Variants in HLA-DMA observed in about 807,000 individuals in gnomAD.
The protein encoded by HLA-DMA is HLA class II histocompatibility antigen, DM alpha chain.
HLA-DMA carries 20 observed loss-of-function variants against 27.3 expected under a neutral mutation model. The ratio of observed to expected loss-of-function variants is 0.73; its 90% CI spans 0.52 to 1.07. The LOEUF (loss-of-function observed/expected upper bound fraction) is 1.07. Ranked by LOEUF, HLA-DMA falls within the 50% of genes least tolerant of loss-of-function variation. The pLI is 0.00. For synonymous variants in HLA-DMA, 111 were observed against 126.8 expected (o/e 0.88, Z 0.83); for missense variants, 241 against 321.7 (o/e 0.75, Z 1.92).
Position 32,948,667 on chromosome 6 carries a change from TAGGC to T in HLA-DMA, c.*193_*196del. On this transcript the variant is annotated 3_prime_UTR_variant, in exon 5 of 5. Coordinates refer to ENST00000374843, the MANE Select transcript of HLA-DMA (RefSeq NM_006120.4). Reference sequence around the variant, plus strand: ...GTGGGGGGAAGGGATGTGGTTGTGATAGGCAGGCCACTCTGGGATCCCTGGGATG... The same window carrying T: ...GTGGGGGGAAGGGATGTGGTTGTGATAGGCCACTCTGGGATCCCTGGGATG... 1 of 648,780 alleles carries T rather than the reference TAGGC, an allele frequency of 1.5e-6. No homozygotes were observed. Among genetic ancestry groups the T allele is most frequent in the Admixed American group, 2.5e-5 (1 of 40,462 alleles). The allele number at this position is 648,780 out of a possible 1,614,324, so 40.2% of individuals were successfully genotyped here. A position where few individuals can be genotyped will look rare whatever the true frequency, so the allele number is the denominator to read the frequency against.
rs1337929423 is a variant in HLA-DMA, at chr6:32,950,835, G to A, written c.89-32C>T. 1 of 1,594,472 alleles carries A rather than the reference G, an allele frequency of 6.3e-7. No homozygotes were observed. The highest frequency in any genetic ancestry group is 8.6e-7 in the Non-Finnish European group (1 of 1,167,380). ...AGGACACAGGGTGAGGTTCAGGGAG[G>A]TGGGAGCCTTCTCCTCCAACTTAAA... On this transcript the variant is annotated intron_variant, in intron 1 of 4. Transcript: ENST00000374843. This position sits in a 1 kb window ranked among gnomAD's most constrained non-coding sequence, Gnocchi z 5.0.
Position 32,949,142 on chromosome 6 carries a change from G to A in HLA-DMA, c.781+129C>T. On this transcript the variant is annotated intron_variant, in intron 4 of 4. Transcript: ENST00000374843. The surrounding 1 kb of genome is among the most constrained non-coding windows in gnomAD (Gnocchi z 5.8). ...ATGTGCCCCCATGGTGCTGGATACAGGCCCCCACACCCAAGGGCCTGAGGA... is the reference window on the plus strand; with the variant it reads ...ATGTGCCCCCATGGTGCTGGATACAAGCCCCCACACCCAAGGGCCTGAGGA... 4 of 1,268,478 alleles carry A rather than the reference G, an allele frequency of 3.2e-6. No individual in the cohort carries two copies. Among genetic ancestry groups the A allele is most frequent in the South Asian group, 2.8e-5 (2 of 72,474 alleles). The allele number at this position is 1,268,478 out of a possible 1,614,324, so 78.6% of individuals were successfully genotyped here.
chr6:32,949,349 C>G lies in HLA-DMA; in HGVS notation c.703G>C (p.Val235Leu). 1 of 1,614,134 alleles carries G rather than the reference C, an allele frequency of 6.2e-7. No homozygotes were observed. Among genetic ancestry groups the G allele is most frequent in the Non-Finnish European group, 8.5e-7 (1 of 1,180,014 alleles). The stretch of plus-strand genomic sequence containing the variant: ...CCCAGCACACCCAGGCCAAAGGCCA[C>G]GCCACACAGCACATTCTCCAGCAGA... Reference protein sequence around the residue: ...SDLLENVLCGVAFGLGVLGII... With the variant: ...SDLLENVLCGLAFGLGVLGII... The change falls in exon 4 of 5, where the codon GTG becomes CTG. Residue 235 changes from valine to leucine, a missense_variant. By Grantham distance (32) the Val-to-Leu change is conservative (BLOSUM62 1). Transcript: ENST00000374843. The surrounding 1 kb of genome is among the most constrained non-coding windows in gnomAD (Gnocchi z 5.8).
At chr6:32,951,065 G>A (rs771198981) in intron 1 of HLA-DMA, among the ~76,000 whole-genome samples, 1 of 152,162 alleles carries the variant, frequency 6.6e-6, no homozygotes, top group Non-Finnish European at 1.5e-5. Flanking sequence ...GAGGAGAATT[G>A]CTTGAACCAG....
At position 32,949,213 on chromosome 6, in the gene HLA-DMA, C is replaced by A. The variant is rs781659788; in HGVS notation, c.781+58G>T. 7.5e-6 allele frequency: 12 copies of A among 1,608,582 alleles called. No homozygotes were observed. Among genetic ancestry groups the A allele is most frequent in the African/African-American group, 1.3e-5 (1 of 74,792 alleles). ...CCACAAAATAATCCTGACACATGCA[C>A]GCATGCACCACTGTATCTGGCTCCC... On this transcript the variant is annotated intron_variant, in intron 4 of 4. Coordinates refer to ENST00000374843, the MANE Select transcript of HLA-DMA (RefSeq NM_006120.4). This position sits in a 1 kb window ranked among gnomAD's most constrained non-coding sequence, Gnocchi z 5.8.
chr6:32,949,268 T>C lies in HLA-DMA; in HGVS notation c.781+3A>G, dbSNP rs752124181. On this transcript the variant is annotated splice_donor_region_variant and intron_variant, in intron 4 of 4. Coordinates refer to ENST00000374843, the MANE Select transcript of HLA-DMA (RefSeq NM_006120.4). The surrounding 1 kb of genome is among the most constrained non-coding windows in gnomAD (Gnocchi z 5.8). ...GCTCACCCGCCCCCTCCAGATGACA[T>C]ACCACCTGAGCAAGGCTTCCGGAAG... The C allele has an allele frequency of 8.1e-6, 13 of 1,614,008 alleles. No individual in the cohort carries two copies. In the Admixed American group the frequency reaches 1.8e-4, roughly 23 times the overall value.
At position 32,950,860 on chromosome 6, in the gene HLA-DMA, A is replaced by G; in HGVS notation, c.89-57T>C. On this transcript the variant is annotated intron_variant, in intron 1 of 4. Coordinates refer to ENST00000374843, the MANE Select transcript of HLA-DMA (RefSeq NM_006120.4). The surrounding 1 kb of genome is among the most constrained non-coding windows in gnomAD (Gnocchi z 5.0). ...GTGGGAGCCTTCTCCTCCAACTTAA[A>G]AAACAGCAAGGTGGGGCTAGGCGCA... The G allele has an allele frequency of 6.4e-7, 1 of 1,560,382 alleles. No individual in the cohort carries two copies. Among genetic ancestry groups the G allele is most frequent in the African/African-American group, 1.4e-5 (1 of 73,594 alleles).
At chr6:32,951,613 A>G (rs1776902450) in intron 1 of HLA-DMA, among the ~76,000 whole-genome samples, 1 of 151,884 alleles carries the variant, frequency 6.6e-6, no homozygotes, top group Admixed American at 6.6e-5. Flanking sequence ...CCCAGGTGAC[A>G]GAATGAGCCC....
chr6:32,949,513 T>C lies in HLA-DMA; in HGVS notation c.652+98A>G. The C allele has an allele frequency of 6.3e-7, 1 of 1,590,930 alleles. No homozygotes were observed. The highest frequency in any genetic ancestry group is 2.2e-5 in the East Asian group (1 of 44,644). ...GACTGGGATGGGCTTAGGGTAGGAATGGACTAAACAAGGTACCAGTGGAGA... is the reference window on the plus strand; with the variant it reads ...GACTGGGATGGGCTTAGGGTAGGAACGGACTAAACAAGGTACCAGTGGAGA... On this transcript the variant is annotated intron_variant, in intron 3 of 4. Transcript: ENST00000374843. This position sits in a 1 kb window ranked among gnomAD's most constrained non-coding sequence, Gnocchi z 5.8.
At position 32,949,900 on chromosome 6, in the gene HLA-DMA, G is replaced by T. The variant is rs779953065; in HGVS notation, c.374-11C>A. The T allele has an allele frequency of 6.2e-7, 1 of 1,611,338 alleles. No homozygotes were observed. Among genetic ancestry groups the T allele is most frequent in the South Asian group, 1.1e-5 (1 of 91,058 alleles). ...CAGCGATAGGAAACCCTGGTGGGGG[G>T]ATTGAAGTGTAGGGGGAAAAAGAGA... is the stretch of plus-strand genomic sequence containing the variant. On this transcript the variant is annotated splice_polypyrimidine_tract_variant and intron_variant, in intron 2 of 4. Coordinates refer to ENST00000374843, the MANE Select transcript of HLA-DMA (RefSeq NM_006120.4). This position sits in a 1 kb window ranked among gnomAD's most constrained non-coding sequence, Gnocchi z 5.8.
rs1360907259 is a variant in HLA-DMA at position 32,949,266 on chromosome 6, C to CA, written c.781+4dup. On this transcript the variant is annotated splice_donor_region_variant and intron_variant, in intron 4 of 4. Transcript: ENST00000374843. The surrounding 1 kb of genome is among the most constrained non-coding windows in gnomAD (Gnocchi z 5.8). ...AGGCTCACCCGCCCCCTCCAGATGA[C>CA]ATACCACCTGAGCAAGGCTTCCGGA... 11 of 1,614,168 alleles carry CA rather than the reference C, an allele frequency of 6.8e-6. No homozygotes were observed. Among genetic ancestry groups the CA allele is most frequent in the Non-Finnish European group, 9.3e-6 (11 of 1,180,032 alleles).
In HLA-DMA at chr6:32,949,767, C is replaced by G; in HGVS notation, c.496G>C (p.Val166Leu). ...GTAGGCCCAAATCCTTCCACAGGGA[C>G]GGAATGATGCTGCCAGTTCACTGTC... ...MLTVNWQHHS[V>L]PVEGFGPTFV... is the part of the protein sequence containing the mutation. The change falls in exon 3 of 5, where the codon GTC becomes CTC. Residue 166 changes from valine to leucine, a missense_variant. Transcript: ENST00000374843. This position sits in a 1 kb window ranked among gnomAD's most constrained non-coding sequence, Gnocchi z 5.8. 1 of 1,612,920 alleles carries G rather than the reference C, an allele frequency of 6.2e-7. No individual in the cohort carries two copies. Among genetic ancestry groups the G allele is most frequent in the South Asian group, 1.1e-5 (1 of 91,084 alleles).
At position 32,948,764 on chromosome 6, in the gene HLA-DMA, C is replaced by CTTA. The variant is rs2127479454; in HGVS notation, c.*99_*100insTAA. On this transcript the variant is annotated 3_prime_UTR_variant, in exon 5 of 5. Coordinates refer to ENST00000374843, the MANE Select transcript of HLA-DMA (RefSeq NM_006120.4). ...ACACACCCCAGGGATGTCCCAGAGA[C>CTTA]TTCTACCCTAAGAGGAGATCCTGGG... The CTTA allele has an allele frequency of 7.6e-7, 1 of 1,311,438 alleles. No homozygotes were observed. Among genetic ancestry groups the CTTA allele is most frequent in the Non-Finnish European group, 1.0e-6 (1 of 974,556 alleles). The allele number at this position is 1,311,438 out of a possible 1,614,324, so 81.2% of individuals were successfully genotyped here.
At position 32,950,871 on chromosome 6, in the gene HLA-DMA, G is replaced by A. The variant is rs969316834; in HGVS notation, c.89-68C>T. ...CTCCTCCAACTTAAAAAACAGCAAG[G>A]TGGGGCTAGGCGCAGTGGCTCATGC... On this transcript the variant is annotated intron_variant, in intron 1 of 4. Coordinates refer to ENST00000374843, the MANE Select transcript of HLA-DMA (RefSeq NM_006120.4). This position sits in a 1 kb window ranked among gnomAD's most constrained non-coding sequence, Gnocchi z 5.0. 8.6e-5 allele frequency: 130 copies of A among 1,513,846 alleles called. No individual in the cohort carries two copies. In the African/African-American group the frequency reaches 1.3e-3, roughly 15 times the overall value. The allele number at this position is 1,513,846 out of a possible 1,614,324, so 93.8% of individuals were successfully genotyped here. A position where few individuals can be genotyped will look rare whatever the true frequency, so the allele number is the denominator to read the frequency against.
Position 32,953,088 on chromosome 6 carries a change from C to G in HLA-DMA, c.-52G>C. ...GCTACCAACCCAGCCAACCCAGCTT[C>G]CCCAACTCCCTCCCCGAGAGGGTGG... On this transcript the variant is annotated 5_prime_UTR_variant, in exon 1 of 5. Transcript: ENST00000374843. 1 of 1,359,902 alleles carries G rather than the reference C, an allele frequency of 7.4e-7. No homozygotes were observed. The highest frequency in any genetic ancestry group is 1.0e-6 in the Non-Finnish European group (1 of 956,930). The allele number at this position is 1,359,902 out of a possible 1,614,324, so 84.2% of individuals were successfully genotyped here.
At position 32,949,709 on chromosome 6, in the gene HLA-DMA, T is replaced by A. The variant is rs761013547; in HGVS notation, c.554A>T (p.Gln185Leu). The A allele has an allele frequency of 6.2e-7, 1 of 1,613,026 alleles. No individual in the cohort carries two copies. Among genetic ancestry groups the A allele is most frequent in the Non-Finnish European group, 8.5e-7 (1 of 1,180,022 alleles). Residue 185 changes from glutamine (Q) to leucine (L), a missense_variant, in exon 3 of 5, where the codon CAG (glutamine) becomes CTG (leucine). Physicochemically the swap from Gln to Leu is moderately radical, Grantham distance 113. Coordinates refer to ENST00000374843, the MANE Select transcript of HLA-DMA (RefSeq NM_006120.4). This position sits in a 1 kb window ranked among gnomAD's most constrained non-coding sequence, Gnocchi z 5.8. ...FVSAVDGLSF[Q>L]AFSYLNFTPE... ...TGTGAAGTTTAAGTAAGAAAAGGCC[T>A]GGAAGCTGAGTCCATCGACAGCTGA... is the stretch of plus-strand genomic sequence containing the variant.
chr6:32,948,762 G>GTCT lies in HLA-DMA; in HGVS notation c.*101_*102insAGA. On this transcript the variant is annotated 3_prime_UTR_variant, in exon 5 of 5. Coordinates refer to ENST00000374843, the MANE Select transcript of HLA-DMA (RefSeq NM_006120.4). ...ACACACACCCCAGGGATGTCCCAGA[G>GTCT]ACTTCTACCCTAAGAGGAGATCCTG... The GTCT allele has an allele frequency of 1.5e-6, 1 of 658,170 alleles. No individual in the cohort carries two copies. Among genetic ancestry groups the GTCT allele is most frequent in the Non-Finnish European group, 2.3e-6 (1 of 433,568 alleles). The allele number at this position is 658,170 out of a possible 1,614,324, so 40.8% of individuals were successfully genotyped here. A position where few individuals can be genotyped will look rare whatever the true frequency, so the allele number is the denominator to read the frequency against.
At position 32,948,771 on chromosome 6, in the gene HLA-DMA, C is replaced by A; in HGVS notation, c.*93G>T. The A allele has an allele frequency of 1.7e-6, 2 of 1,206,482 alleles. No homozygotes were observed. The highest frequency in any genetic ancestry group is 2.4e-6 in the Non-Finnish European group (2 of 829,880). 74.7% of individuals were successfully genotyped at this position (1,206,482 alleles called of 1,614,324 possible). ...CCAGGGATGTCCCAGAGACTTCTAC[C>A]CTAAGAGGAGATCCTGGGCAGGATG... On this transcript the variant is annotated 3_prime_UTR_variant, in exon 5 of 5. Coordinates refer to ENST00000374843, the MANE Select transcript of HLA-DMA (RefSeq NM_006120.4).
intron 1 of HLA-DMA, among the ~76,000 whole-genome samples, chr6:32,952,123 T>C (rs1337906696): frequency 6.6e-6 from 1 of 152,144 alleles, no homozygotes; most frequent in South Asian, 2.1e-4. Context: ...CAAAGGGGAT[T>C]CCTTTGTCTA....
Sources: allele counts gnomAD v4.1 joint callset (sites outside exome capture counted in the v4.1 genomes callset), GRCh38; gene constraint gnomAD v4.1.1; non-coding constraint Gnocchi (gnomAD v3.1); transcripts MANE v1.5; gene names NCBI Gene and HGNC (gene_info 2026-07-23, HGNC 2026-07-21).